CDH12: variants seen among roughly 807,000 people sequenced by gnomAD.
CDH12 encodes the protein cadherin 12.
CDH12 carries 41 observed loss-of-function variants against 74.1 expected under a neutral mutation model. The ratio of observed to expected loss-of-function variants is 0.55; its 90% confidence interval spans 0.43 to 0.72. CDH12 has a LOEUF of 0.72. Ranked by LOEUF, CDH12 falls within the 30% of genes least tolerant of loss-of-function variation. CDH12 has a pLI of 0.00. For missense variants in CDH12, 945 were observed against 977.2 expected, an observed-to-expected ratio of 0.97 and a Z score of 0.44; for synonymous variants, 399 against 355.0, an observed-to-expected ratio of 1.12 and a Z score of -1.39.
intron 2 of CDH12, among the ~76,000 whole-genome samples, chr5:22,470,536 A>C (rs1306025497): frequency 2.0e-5 from 3 of 152,024 alleles, no homozygotes; most frequent in Non-Finnish European, 4.4e-5. Flanking sequence ...TCCCCGCATC[A>C]GCCTTCTGAT....
At chr5:21,857,189 A>G (rs547769460) in intron 6 of CDH12, among the ~76,000 whole-genome samples, 2 of 151,978 alleles carry the variant, frequency 1.3e-5, no homozygotes, top group East Asian at 3.9e-4. Flanking sequence ...AATACCCAGG[A>G]GGTAAGAGCA....
At chr5:22,485,974 C>T (rs1432176261) in intron 2 of CDH12, among the ~76,000 whole-genome samples, 1 of 152,180 alleles carries the variant, frequency 6.6e-6, no homozygotes, top group Non-Finnish European at 1.5e-5. Context: ...ATGTCTTCAG[C>T]ACTGGATAAG....
chr5:21,895,543 G>A (rs1252995185), intron 6 of CDH12, among the ~76,000 whole-genome samples: 2 of 152,146 alleles, frequency 1.3e-5, no homozygotes, highest in East Asian at 3.9e-4. Context: ...TGTTTCCAGA[G>A]CTCCATATGC....
chr5:22,525,556 A>C (rs1737232294), intron 1 of CDH12, among the ~76,000 whole-genome samples: 3 of 152,090 alleles, frequency 2.0e-5, no homozygotes, highest in South Asian at 2.1e-4. Flanking sequence ...GAGGGAGGGA[A>C]TGGAATGCAT....
intron 7 of CDH12, among the ~76,000 whole-genome samples, chr5:21,846,089 G>A (rs2149991372): frequency 6.6e-6 from 1 of 152,288 alleles, no homozygotes; most frequent in Admixed American, 6.5e-5. Context: ...TAGCCAGGTA[G>A]AGAACCCATC....
intron 9 of CDH12, among the ~76,000 whole-genome samples, chr5:21,810,939 G>A (rs1747712012): frequency 6.6e-6 from 1 of 151,952 alleles, no homozygotes; most frequent in Non-Finnish European, 1.5e-5. Flanking sequence ...CATTTGTCAA[G>A]CGTGAAAAAA....
chr5:22,204,499 A>G (rs1449085764), intron 4 of CDH12, among the ~76,000 whole-genome samples: 3 of 152,226 alleles, frequency 2.0e-5, no homozygotes, highest in African/African-American at 7.2e-5. Flanking sequence ...GATAACATGT[A>G]TTTCTATTTG....
chr5:22,611,284 A>G (rs1737385572), intron 1 of CDH12, among the ~76,000 whole-genome samples: 1 of 152,202 alleles, frequency 6.6e-6, no homozygotes, highest in Non-Finnish European at 1.5e-5. Context: ...CAGTCAATTG[A>G]AAAACCATTT....
chr5:22,270,578 G>A (rs1580466198), intron 3 of CDH12, among the ~76,000 whole-genome samples: 1 of 139,816 alleles, frequency 7.2e-6, no homozygotes, highest in East Asian at 2.3e-4. Context: ...CTAGGCGGCA[G>A]GGTGAGACAC....
At chr5:21,989,566 AC>A (rs1187272809) in intron 5 of CDH12, among the ~76,000 whole-genome samples, 4 of 152,024 alleles carry the variant, frequency 2.6e-5, no homozygotes, top group Admixed American at 6.6e-5. Flanking sequence ...CTCACTCTGT[AC>A]CCCCCATTGC....
chr5:22,256,848 CA>C (rs1753336380), intron 3 of CDH12, among the ~76,000 whole-genome samples: 1 of 152,030 alleles, frequency 6.6e-6, no homozygotes, highest in African/African-American at 2.4e-5. Flanking sequence ...GGAATATACC[CA>C]AAGGATACAA....
chr5:21,892,639 A>G (rs1752946785), intron 6 of CDH12, among the ~76,000 whole-genome samples: 1 of 152,202 alleles, frequency 6.6e-6, no homozygotes, highest in Non-Finnish European at 1.5e-5. Flanking sequence ...TAATAAATAT[A>G]TAAAGTTTTA....
At chr5:22,024,136 A>G (rs976708066) in intron 5 of CDH12, among the ~76,000 whole-genome samples, 2 of 152,074 alleles carry the variant, frequency 1.3e-5, no homozygotes, top group South Asian at 2.1e-4. Flanking sequence ...AGTTTTAGCG[A>G]CTTGAAAATG....
chr5:22,303,465 C>T (rs565404322), intron 3 of CDH12, among the ~76,000 whole-genome samples: 2 of 151,852 alleles, frequency 1.3e-5, no homozygotes, highest in African/African-American at 4.8e-5. Flanking sequence ...ACACAAGCTG[C>T]CAATAAAATA....
At chr5:22,230,691 G>C (rs575187572) in intron 3 of CDH12, among the ~76,000 whole-genome samples, 1 of 151,644 alleles carries the variant, frequency 6.6e-6, no homozygotes, top group Non-Finnish European at 1.5e-5. Context: ...GAATGGTGTC[G>C]ACCTCTTGAC....
intron 6 of CDH12, among the ~76,000 whole-genome samples, chr5:21,895,222 A>G (rs964530366): frequency 2.0e-5 from 3 of 152,064 alleles, no homozygotes; most frequent in African/African-American, 7.2e-5. Flanking sequence ...AATGGAATGT[A>G]TCTCCCCCTC....
chr5:22,433,382 TA>T (rs35748914), intron 2 of CDH12, among the ~76,000 whole-genome samples: 352 of 152,196 alleles, frequency 2.3e-3, no homozygotes, highest in African/African-American at 8.2e-3. Context: ...TTTTGAATCC[TA>T]AAAAAATCAC....
intron 6 of CDH12, among the ~76,000 whole-genome samples, chr5:21,966,384 A>G (rs1204865415): frequency 6.6e-6 from 1 of 152,010 alleles, no homozygotes; most frequent in Non-Finnish European, 1.5e-5. Flanking sequence ...GTGGTGTGAA[A>G]GCAGCCATAG....
intron 3 of CDH12, among the ~76,000 whole-genome samples, chr5:22,295,276 C>G (rs960715536): frequency 2.0e-5 from 3 of 151,848 alleles, no homozygotes; most frequent in African/African-American, 7.3e-5. Context: ...TATGAAAAAC[C>G]ATGATAATAG....
Sources: gnomAD v4.1 joint callset for allele counts (sites outside exome capture counted in the v4.1 genomes callset) on GRCh38, gnomAD v4.1.1 for gene constraint, MANE v1.5 for transcripts, NCBI Gene and HGNC (gene_info 2026-07-23, HGNC 2026-07-21) for gene names.